The following ATP2B3 variants were observed in gnomAD, a reference collection of about 807,000 sequenced individuals.
The protein encoded by ATP2B3 is ATPase plasma membrane Ca2+ transporting 3.
ATP2B3 carries 12 observed loss-of-function variants against 70.8 expected under a neutral mutation model. The observed-to-expected ratio is 0.17, with a 90% confidence interval of 0.11 to 0.27. The LOEUF (loss-of-function observed/expected upper bound fraction) is 0.27, where lower values mean the gene tolerates loss of function less well. Among genes scored for constraint, ATP2B3 ranks in the 10% least tolerant of loss-of-function variants. ATP2B3 has a pLI of 1.00. For synonymous variants in ATP2B3, 460 were observed against 497.8 expected (o/e 0.92, Z 1.01); for missense variants, 858 against 1,118.5 (o/e 0.77, Z 3.32).
At chrX:153,540,803 C>A (rs1352411205) in intron 3 of ATP2B3, among the ~76,000 whole-genome samples, 1 of 112,649 alleles carries the variant, frequency 8.9e-6, no homozygotes, top group Non-Finnish European at 1.9e-5. Context: ...CTGGCCTAGT[C>A]TTTGGCATCT....
At chrX:153,558,928 C>T (rs1397404136) in intron 17 of ATP2B3, among the ~76,000 whole-genome samples, 2 of 111,550 alleles carry the variant, frequency 1.8e-5, no homozygotes, top group Admixed American at 9.5e-5. Context: ...AACCCTTTCT[C>T]AACAGTCCCA....
Position 153,549,677 on chromosome X carries a change from A to G in ATP2B3, c.1519A>G (p.Lys507Glu). ...TCCGGCCCCCAGCGCCCTGACCCCT[A>G]AGATCCTCGACCTCCTGGTCCATGC... ...EIPAPSALTP[K>E]ILDLLVHAIS... Residue 507 changes from lysine (K) to glutamate (E), a missense_variant, in exon 11 of 22, where the codon AAG (lysine) becomes GAG (glutamate). By Grantham distance (56) the Lys-to-Glu change is moderately conservative. This residue lies in a region of ATP2B3 where 242 missense variants were observed against 281.3 expected (regional missense o/e 0.86). Transcript: ENST00000263519. 2.5e-6 allele frequency: 3 copies of G among 1,211,913 alleles called. No homozygotes were observed. Among genetic ancestry groups the G allele is most frequent in the Non-Finnish European group, 3.4e-6 (3 of 895,489 alleles).
intron 20 of ATP2B3, among the ~76,000 whole-genome samples, chrX:153,563,438 G>C: frequency 8.9e-6 from 1 of 112,057 alleles, no homozygotes; most frequent in Middle Eastern, 4.6e-3. Flanking sequence ...ACCATGCTCG[G>C]CCTGGCTTTT....
Position 153,565,078 on chromosome X carries a change from G to C in ATP2B3, c.3317G>C (p.Arg1106Pro). 1 of 1,192,601 alleles carries C rather than the reference G, an allele frequency of 8.4e-7. No homozygotes were observed. The highest frequency in any genetic ancestry group is 1.1e-6 in the Non-Finnish European group (1 of 885,686). ...CGCAGGGGCCAGATCCTCTGGTTCC[G>C]GGGCCTGAACCGGATTCAGACGCAG... ...ELRRGQILWF[R>P]GLNRIQTQIR... Residue 1106 changes from arginine (R) to proline (P), a missense_variant, in exon 21 of 22, where the codon CGG (arginine) becomes CCG (proline). Arg to Pro is a moderately radical substitution (Grantham distance 103). This residue lies in a region of ATP2B3 where 265 missense variants were observed against 305.3 expected (regional missense o/e 0.87). Transcript: ENST00000263519.
Position 153,580,058 on chromosome X carries a change from C to G in ATP2B3, c.3423C>G (p.Phe1141Leu), listed in dbSNP as rs2090903548. The G allele has an allele frequency of 1.7e-6, 2 of 1,210,623 alleles. No homozygotes were observed. The highest frequency in any genetic ancestry group is 2.2e-6 in the Non-Finnish European group (2 of 895,334). The change falls in exon 22 of 22, where the codon TTC becomes TTG. Residue 1141 changes from phenylalanine (F) to leucine (L), a missense_variant. Physicochemically the swap from Phe to Leu is conservative, Grantham distance 22. This residue lies in a region of ATP2B3 where 265 missense variants were observed against 305.3 expected (regional missense o/e 0.87). Coordinates refer to ENST00000263519, the MANE Select transcript of ATP2B3 (RefSeq NM_001001344.3). ...AATCCAAGACCTCCATTCACAACTTCATGGCCACGCCCGAGTTTCTGATCA... is the reference window on the plus strand; with the variant it reads ...AATCCAAGACCTCCATTCACAACTTGATGGCCACGCCCGAGTTTCTGATCA... Reference protein sequence around the residue: ...KPESKTSIHNFMATPEFLIND... With the variant: ...KPESKTSIHNLMATPEFLIND...
chrX:153,555,951 C>G, intron 13 of ATP2B3, 98 bp from the exon 14 acceptor site: 1 of 1,033,963 alleles, frequency 9.7e-7, no homozygotes, highest in Middle Eastern at 2.5e-4. Context: ...TCTGCTGGAC[C>G]TTGGGCCACC....
intron 2 of ATP2B3, among the ~76,000 whole-genome samples, chrX:153,519,754 C>T (rs1333752916): frequency 1.8e-5 from 2 of 112,302 alleles, no homozygotes; most frequent in Non-Finnish European, 1.9e-5. Context: ...GTGCCCTGCA[C>T]GGCCAGGTGG....
Position 153,536,365 on chromosome X carries a change from C to T in ATP2B3, c.118C>T (p.Leu40=), listed in dbSNP as rs782052480. The change falls in exon 3 of 22, where the codon CTG becomes TTG. Residue 40 remains leucine, a synonymous_variant. Transcript: ENST00000263519. ...TLAELRTLME[L]RGAEALQKIE... ...GGCGGAGCTGCGCACCCTCATGGAG[C>T]TGCGAGGGGCCGAGGCGCTGCAGAA... 2.5e-6 allele frequency: 3 copies of T among 1,203,606 alleles called. No individual in the cohort carries two copies. Among genetic ancestry groups the T allele is most frequent in the Non-Finnish European group, 3.4e-6 (3 of 891,990 alleles).
At chrX:153,579,249 C>T (rs1429298331) in intron 21 of ATP2B3, among the ~76,000 whole-genome samples, 1 of 112,608 alleles carries the variant, frequency 8.9e-6, no homozygotes, top group Non-Finnish European at 1.9e-5. Flanking sequence ...TGAGAAGCTT[C>T]CAGAAAGAGG....
At chrX:153,522,282 G>A (rs999767370) in intron 2 of ATP2B3, among the ~76,000 whole-genome samples, 8 of 112,540 alleles carry the variant, frequency 7.1e-5, no homozygotes, top group East Asian at 5.6e-4. Context: ...GGGAGACGAC[G>A]GAAAGCAAAA....
At chrX:153,563,710 G>C (rs1282206375) in intron 20 of ATP2B3, among the ~76,000 whole-genome samples, 2 of 112,454 alleles carry the variant, frequency 1.8e-5, no homozygotes, top group Admixed American at 9.4e-5. Flanking sequence ...TGCTCTTCAA[G>C]CTCCCAGGCC....
chrX:153,549,947 C>T, intron 11 of ATP2B3, 98 bp from the exon 12 acceptor site: 1 of 1,149,505 alleles, frequency 8.7e-7, no homozygotes, highest in Non-Finnish European at 1.2e-6. Context: ...CACACCCTAA[C>T]AATGTGGTGA....
intron 20 of ATP2B3, 126 bp downstream of exon 20, chrX:153,562,368 G>T (rs2090637937): frequency 3.5e-6 from 2 of 573,955 alleles, no homozygotes; most frequent in East Asian, 7.1e-5. Flanking sequence ...GAGGGCTCAG[G>T]CCTGTGACAC....
chrX:153,542,829 G>A (rs1399389265), intron 6 of ATP2B3, among the ~76,000 whole-genome samples: 1 of 113,429 alleles, frequency 8.8e-6, no homozygotes, highest in Non-Finnish European at 1.9e-5. Context: ...AGTTGGAAAC[G>A]TAGTGTGAAA....
chrX:153,517,947 G>A (rs2089901062), intron 1 of ATP2B3, 72 bp downstream of exon 1: 1 of 109,415 alleles, frequency 9.1e-6, no homozygotes, highest in African/African-American at 3.3e-5. Context: ...AGGCGCGGGT[G>A]GGGATGGGAG....
chrX:153,530,529 T>C (rs1335239858), intron 2 of ATP2B3, among the ~76,000 whole-genome samples: 3 of 112,677 alleles, frequency 2.7e-5, no homozygotes, highest in African/African-American at 6.4e-5. Flanking sequence ...TCTGGACCCT[T>C]GTTAACGAGG....
At chrX:153,531,255 T>G (rs1304064725) in intron 2 of ATP2B3, among the ~76,000 whole-genome samples, 1 of 113,042 alleles carries the variant, frequency 8.8e-6, no homozygotes, top group African/African-American at 3.2e-5. Context: ...CCTCCTTCCG[T>G]GCCCTCTCCC....
chrX:153,546,206 G>T, intron 8 of ATP2B3, 77 bp downstream of exon 8: 1 of 1,135,294 alleles, frequency 8.8e-7, no homozygotes, highest in South Asian at 1.8e-5. Context: ...AGTGTTGGGG[G>T]AGGTTCACCT....
intron 16 of ATP2B3, among the ~76,000 whole-genome samples, chrX:153,557,826 A>T (rs1557014429): frequency 9.5e-6 from 1 of 105,315 alleles, no homozygotes; most frequent in Non-Finnish European, 1.9e-5. Flanking sequence ...GCTGGGCTTT[A>T]TGTGTAAAGC....
Sources: gnomAD v4.1 joint callset for allele counts (sites outside exome capture counted in the v4.1 genomes callset) on GRCh38, gnomAD v4.1.1 for gene constraint, gnomAD v4.1.1 regional missense constraint, MANE v1.5 for transcripts, NCBI Gene and HGNC (gene_info 2026-07-23, HGNC 2026-07-21) for gene names.